TP73: variants seen among roughly 807,000 people sequenced by gnomAD.
TP73 encodes the protein p53-like transcription factor.
A neutral mutation model predicts 62.5 loss-of-function variants in TP73; 25 were observed. The ratio of observed to expected loss-of-function variants is 0.40; its 90% CI spans 0.29 to 0.56. TP73 has a LOEUF of 0.56. Ranked by LOEUF, TP73 falls within the 20% of genes least tolerant of loss-of-function variation. TP73 has a pLI of 0.46. For missense variants in TP73, 754 were observed against 913.3 expected (o/e 0.83, Z 2.25); for synonymous variants, 423 against 377.5 (o/e 1.12, Z -1.40).
At chr1:3,723,103 CA>C (rs946569360) in intron 5 of TP73, among the ~76,000 whole-genome samples, 6 of 148,898 alleles carry the variant, frequency 4.0e-5, no homozygotes, top group African/African-American at 7.5e-5. Context: ...CTGCACCTAA[CA>C]GGGGTGGGCA....
intron 1 of TP73, among the ~76,000 whole-genome samples, chr1:3,681,840 A>C (rs1257286644): frequency 2.6e-5 from 4 of 151,750 alleles, no homozygotes; most frequent in African/African-American, 9.7e-5. Context: ...GGCCAAACCC[A>C]GACACAGGGG....
At chr1:3,710,536 A>G (rs1290363310) in intron 4 of TP73, among the ~76,000 whole-genome samples, 1 of 152,092 alleles carries the variant, frequency 6.6e-6, no homozygotes, top group Non-Finnish European at 1.5e-5. Context: ...CCGGCACGCC[A>G]GCCGGCTGGT....
intron 10 of TP73, 148 bp downstream of exon 10, chr1:3,729,596 C>G (rs745551728): frequency 2.4e-5 from 34 of 1,404,484 alleles, no homozygotes; most frequent in Non-Finnish European, 3.0e-6. Flanking sequence ...CACCCCACAT[C>G]TCCTCCTCCA....
chr1:3,660,535 G>C (rs890914660), intron 1 of TP73, among the ~76,000 whole-genome samples: 3 of 152,200 alleles, frequency 2.0e-5, no homozygotes, highest in Non-Finnish European at 4.4e-5. Context: ...AAATAAAAAT[G>C]CTAATAGTTT....
Position 3,730,041 on chromosome 1 carries a change from CCATGAACAAGGTGCACGGGGG to C in TP73, c.1249_1269del (p.Val417_Lys423del), listed in dbSNP as rs768481904. On this transcript the variant is annotated inframe_deletion, in exon 11 of 14. Coordinates refer to ENST00000378295, the MANE Select transcript of TP73 (RefSeq NM_005427.4). The stretch of plus-strand genomic sequence containing the variant: ...CCGTCCTACGGGCCGGTCCTCTCGC[CCATGAACAAGGTGCACGGGGG>C]CATGAACAAGCTGCCCTCCGTCAAC... 3.5e-5 allele frequency: 57 copies of C among 1,610,206 alleles called. 1 individual carries two copies. The Middle Eastern group carries it at 6.6e-4, about 19-fold the overall frequency.
intron 5 of TP73, among the ~76,000 whole-genome samples, chr1:3,722,658 G>A (rs376150066): frequency 3.2e-4 from 49 of 152,316 alleles, no homozygotes; most frequent in African/African-American, 1.1e-3. Context: ...CGATGCACCT[G>A]GCACAGCTGG....
chr1:3,674,978 G>C (rs1348743467), intron 1 of TP73, among the ~76,000 whole-genome samples: 1 of 152,160 alleles, frequency 6.6e-6, no homozygotes, highest in Non-Finnish European at 1.5e-5. Context: ...AGGGCACAAG[G>C]GGATTGAGAC....
intron 2 of TP73, 146 bp from the exon 3 acceptor site, chr1:3,682,914 A>C: frequency 9.0e-7 from 1 of 1,113,538 alleles, no homozygotes; most frequent in African/African-American, 1.6e-5. Flanking sequence ...GGTGGAGGAC[A>C]GAGATGGGAT....
At chr1:3,732,666 C>A (rs1642222646) in intron 13 of TP73, 81 bp from the exon 14 acceptor site, 1 of 1,327,470 alleles carries the variant, frequency 7.5e-7, no homozygotes, top group East Asian at 2.4e-5. Flanking sequence ...TGTGGTGTGG[C>A]CAGACCTCCA....
chr1:3,716,287 C>G (rs1640591032), intron 4 of TP73, among the ~76,000 whole-genome samples: 1 of 152,230 alleles, frequency 6.6e-6, no homozygotes, highest in African/African-American at 2.4e-5. Context: ...GCAGCCCCCC[C>G]AGCCAGGAGC....
chr1:3,724,183 G>A (rs1173973051), intron 6 of TP73, among the ~76,000 whole-genome samples: 2 of 152,114 alleles, frequency 1.3e-5, no homozygotes, highest in Non-Finnish European at 2.9e-5. Flanking sequence ...AAAGGCTGGG[G>A]TAGGGGGAAA....
chr1:3,680,111 C>T (rs1157949573), intron 1 of TP73, among the ~76,000 whole-genome samples: 6 of 152,168 alleles, frequency 3.9e-5, no homozygotes, highest in Non-Finnish European at 8.8e-5. Flanking sequence ...CTGTCTCTGT[C>T]TCTCTCTGTC....
intron 1 of TP73, among the ~76,000 whole-genome samples, chr1:3,671,821 G>C (rs1199311081): frequency 6.6e-6 from 1 of 152,196 alleles, no homozygotes; most frequent in African/African-American, 2.4e-5. Flanking sequence ...AACAGCAGTG[G>C]CTGCCTCTGG....
At position 3,733,000 on chromosome 1, in the gene TP73, A is replaced by ACTTCGG; in HGVS notation, c.1838_1843dup (p.Gly613_Phe614dup). 1 of 1,576,842 alleles carries ACTTCGG rather than the reference A, an allele frequency of 6.3e-7. No homozygotes were observed. The highest frequency in any genetic ancestry group is 8.6e-7 in the Non-Finnish European group (1 of 1,165,488). The stretch of plus-strand genomic sequence containing the variant: ...GGCGGCGGCCCTGACGAGTGGGCGG[A>ACTTCGG]CTTCGGCTTCGACCTGCCCGACTGC... On this transcript the variant is annotated inframe_insertion, in exon 14 of 14. Coordinates refer to ENST00000378295, the MANE Select transcript of TP73 (RefSeq NM_005427.4).
chr1:3,731,085 C>T lies in TP73; in HGVS notation c.1484+20C>T. 1 of 1,606,306 alleles carries T rather than the reference C, an allele frequency of 6.2e-7. No homozygotes were observed. Among genetic ancestry groups the T allele is most frequent in the Non-Finnish European group, 8.5e-7 (1 of 1,176,072 alleles). Reference sequence around the variant, plus strand: ...CGTCAGGTGCGTGGGCTGCCGAGGGCCTGAGCATGTGCTGTCACCCTGTCT... The same window carrying T: ...CGTCAGGTGCGTGGGCTGCCGAGGGTCTGAGCATGTGCTGTCACCCTGTCT... On this transcript the variant is annotated intron_variant, in intron 12 of 13. Coordinates refer to ENST00000378295, the MANE Select transcript of TP73 (RefSeq NM_005427.4).
Position 3,699,707 on chromosome 1 carries a change from T to G in TP73, c.187-7842T>G, listed in dbSNP as rs199775269. Reference sequence around the variant, plus strand: ...GAACAGAATGAATGAGAGTGCGGGATAAATGCCGGGCGGGGAGCAGGGATG... The same window carrying G: ...GAACAGAATGAATGAGAGTGCGGGAGAAATGCCGGGCGGGGAGCAGGGATG... On this transcript the variant is annotated intron_variant, in intron 3 of 13. Coordinates refer to ENST00000378295, the MANE Select transcript of TP73 (RefSeq NM_005427.4). The surrounding 1 kb of genome is among the most constrained non-coding windows in gnomAD (Gnocchi z 4.1). Among the ~76,000 whole-genome samples, 8 of 152,154 alleles carry G rather than the reference T, an allele frequency of 5.3e-5. No individual in the cohort carries two copies. In the East Asian group the frequency reaches 1.4e-3, roughly 26 times the overall value.
intron 6 of TP73, among the ~76,000 whole-genome samples, chr1:3,726,421 TGGG>T (rs1641613157): frequency 2.9e-5 from 1 of 34,248 alleles, no homozygotes; most frequent in Admixed American, 3.6e-4. Flanking sequence ...ATGGATGGGG[TGGG>T]TGTTGGGGGT....
intron 3 of TP73, among the ~76,000 whole-genome samples, chr1:3,686,893 T>A (rs1645671395): frequency 6.6e-6 from 1 of 152,178 alleles, no homozygotes; most frequent in African/African-American, 2.4e-5. Context: ...AGGCTCCAAG[T>A]CACCCACGAT....
intron 1 of TP73, among the ~76,000 whole-genome samples, chr1:3,681,223 G>A (rs979231382): frequency 7.2e-5 from 11 of 152,356 alleles, no homozygotes; most frequent in South Asian, 4.1e-4. Context: ...CCCGCTGGCC[G>A]TGGGCAGGTC....
Sources: gnomAD v4.1 joint callset for allele counts (sites outside exome capture counted in the v4.1 genomes callset) on GRCh38, gnomAD v4.1.1 for gene constraint, Gnocchi (gnomAD v3.1) non-coding constraint, MANE v1.5 for transcripts, NCBI Gene and HGNC (gene_info 2026-07-23, HGNC 2026-07-21) for gene names.